Variants in EEF1AKMT1 observed in about 807,000 individuals in gnomAD.
EEF1AKMT1 encodes N-6 adenine-specific DNA methyltransferase 2 (putative).
In EEF1AKMT1, 18 loss-of-function variants were observed where a neutral mutation model predicts 21.0. The observed-to-expected ratio is 0.86, with a 90% CI of 0.59 to 1.27. The LOEUF (loss-of-function observed/expected upper bound fraction) is 1.27. EEF1AKMT1 is among the 50% of genes most tolerant of loss of function. EEF1AKMT1 has a pLI of 0.00. For missense variants in EEF1AKMT1, 246 were observed against 258.6 expected (o/e 0.95, Z 0.33); for synonymous variants, 109 against 94.8 (o/e 1.15, Z -0.87).
chr13:20,739,365 G>A lies in EEF1AKMT1; in HGVS notation c.145-1560C>T, dbSNP rs112905487. 2.6e-3 allele frequency among the ~76,000 whole-genome samples: 402 copies of A among 152,304 alleles called. 1 individual carries two copies. The highest frequency in any genetic ancestry group is 8.6e-3 in the African/African-American group (356 of 41,582). ...CCAAGAGGGTTGCCGCCGCTAAGCA[G>A]GGGCAGCCTGCTTTTATTCCCTTAT... is the stretch of plus-strand genomic sequence containing the variant. On this transcript the variant is annotated intron_variant, in intron 2 of 4. Coordinates refer to ENST00000382758, the MANE Select transcript of EEF1AKMT1 (RefSeq NM_001318939.2).
In EEF1AKMT1 at chr13:20,748,715, G is replaced by GTTTT. The variant is rs796299437; in HGVS notation, c.144+8736_144+8739dup. On this transcript the variant is annotated intron_variant, in intron 2 of 4. Coordinates refer to ENST00000382758, the MANE Select transcript of EEF1AKMT1 (RefSeq NM_001318939.2). ...TTCTTCACCCTCCTAATGTATAGTTGTTTTTTTTTGGTTTTTTTTTTTTTT... is the reference window on the plus strand; with the variant it reads ...TTCTTCACCCTCCTAATGTATAGTTGTTTTTTTTTTTTTGGTTTTTTTTTTTTTT... Among the ~76,000 whole-genome samples the GTTTT allele has an allele frequency of 5.7e-5, 6 of 105,848 alleles. No individual in the cohort carries two copies. The South Asian group carries it at 9.1e-4, about 16-fold the overall frequency. 69.4% of individuals were successfully genotyped at this position (105,848 alleles called of 152,430 possible).
intron 1 of EEF1AKMT1, among the ~76,000 whole-genome samples, chr13:20,766,392 G>A (rs1344931200): frequency 6.6e-6 from 1 of 151,468 alleles, no homozygotes; most frequent in Non-Finnish European, 1.5e-5. Context: ...CCAACCATTA[G>A]ACAGTATATA....
intron 2 of EEF1AKMT1, among the ~76,000 whole-genome samples, chr13:20,750,022 T>G (rs908017123): frequency 6.6e-6 from 1 of 152,208 alleles, no homozygotes; most frequent in Non-Finnish European, 1.5e-5. Flanking sequence ...TTTTCTGGAA[T>G]CTTATTTGTT....
At chr13:20,770,926 C>A (rs9552276) in intron 1 of EEF1AKMT1, among the ~76,000 whole-genome samples, 16,941 of 151,258 alleles carry the variant, frequency 0.11, 1,633 homozygotes, top group East Asian at 0.45. Context: ...GCTGCCCAGG[C>A]TGGAGTGCAG....
chr13:20,768,642 C>A (rs914977216), intron 1 of EEF1AKMT1, among the ~76,000 whole-genome samples: 1 of 152,062 alleles, frequency 6.6e-6, no homozygotes, highest in Non-Finnish European at 1.5e-5. Flanking sequence ...TGGCCCAAGA[C>A]AATTCTTCTT....
At chr13:20,749,755 T>A (rs2058930481) in intron 2 of EEF1AKMT1, among the ~76,000 whole-genome samples, 1 of 152,086 alleles carries the variant, frequency 6.6e-6, no homozygotes, top group Admixed American at 6.5e-5. Flanking sequence ...GTGAACAAAA[T>A]TTTCACTCAA....
At chr13:20,764,660 C>G (rs1365665928) in intron 1 of EEF1AKMT1, among the ~76,000 whole-genome samples, 1 of 151,998 alleles carries the variant, frequency 6.6e-6, no homozygotes, top group Non-Finnish European at 1.5e-5. Flanking sequence ...GTTTTTATTT[C>G]ATGCTTCATG....
In EEF1AKMT1 at chr13:20,756,457, C is replaced by A. The variant is rs543788141; in HGVS notation, c.144+998G>T. Among the ~76,000 whole-genome samples, 3 of 152,238 alleles carry A rather than the reference C, an allele frequency of 2.0e-5. No homozygotes were observed. The South Asian group carries it at 6.2e-4, about 32-fold the overall frequency. ...TTCAATACATGTTTAAGTTCAGTTCCCCAATTTCCGGCAATGATAATATTT... is the reference window on the plus strand; with the variant it reads ...TTCAATACATGTTTAAGTTCAGTTCACCAATTTCCGGCAATGATAATATTT... On this transcript the variant is annotated intron_variant, in intron 2 of 4. Coordinates refer to ENST00000382758, the MANE Select transcript of EEF1AKMT1 (RefSeq NM_001318939.2).
At chr13:20,755,610 A>G (rs2141430367) in intron 2 of EEF1AKMT1, among the ~76,000 whole-genome samples, 1 of 152,176 alleles carries the variant, frequency 6.6e-6, no homozygotes. Flanking sequence ...GTTTCCTGTC[A>G]CTTCCCTGTT....
intron 4 of EEF1AKMT1, among the ~76,000 whole-genome samples, chr13:20,731,524 C>T (rs145826594): frequency 1.3e-5 from 2 of 152,186 alleles, no homozygotes; most frequent in South Asian, 2.1e-4. Context: ...CCAAATTTCT[C>T]TTTGATAAAG....
Position 20,757,568 on chromosome 13 carries a change from G to C in EEF1AKMT1, c.31C>G (p.Gln11Glu). 1 of 1,614,012 alleles carries C rather than the reference G, an allele frequency of 6.2e-7. No individual in the cohort carries two copies. The highest frequency in any genetic ancestry group is 8.5e-7 in the Non-Finnish European group (1 of 1,179,912). ...GCTGCTAAGGCATGGGCAGAAAGCT[G>C]GGGTGTCTCATCATCTTCCAAATCA... MSDLEDDETP[Q>E]LSAHALAALQ... Residue 11 changes from glutamine to glutamate, a missense_variant, in exon 2 of 5, where the codon CAG (glutamine) becomes GAG (glutamate). Transcript: ENST00000382758.
intron 2 of EEF1AKMT1, among the ~76,000 whole-genome samples, chr13:20,743,048 A>G (rs891577042): frequency 2.0e-5 from 3 of 151,972 alleles, no homozygotes; most frequent in Non-Finnish European, 2.9e-5. Context: ...ATATTATCCT[A>G]TATTTTCTTT....
In EEF1AKMT1 at chr13:20,742,515, T is replaced by C. The variant is rs75484365; in HGVS notation, c.145-4710A>G. ...AAAATATGACCATTCTGTAATCACA[T>C]CTGAGTACAGATAAAACAAGAACAC... is the stretch of plus-strand genomic sequence containing the variant. On this transcript the variant is annotated intron_variant, in intron 2 of 4. Transcript: ENST00000382758. 1.3e-3 allele frequency among the ~76,000 whole-genome samples: 195 copies of C among 152,324 alleles called. 1 individual carries two copies. The East Asian group carries it at 0.027, about 21-fold the overall frequency.
In EEF1AKMT1 at chr13:20,751,486, C is replaced by T. The variant is rs534244915; in HGVS notation, c.144+5969G>A. 8.0e-4 allele frequency among the ~76,000 whole-genome samples: 122 copies of T among 152,268 alleles called. 1 individual carries two copies. Among genetic ancestry groups the T allele is most frequent in the African/African-American group, 2.9e-3 (120 of 41,548 alleles). On this transcript the variant is annotated intron_variant, in intron 2 of 4. Transcript: ENST00000382758. Reference sequence around the variant, plus strand: ...TGGCTATAGATATGTGGATTAATTTCTGGGTTCTCTATTCTGTTCCATTGG... The same window carrying T: ...TGGCTATAGATATGTGGATTAATTTTTGGGTTCTCTATTCTGTTCCATTGG...
intron 2 of EEF1AKMT1, among the ~76,000 whole-genome samples, chr13:20,750,989 G>T (rs1317625896): frequency 1.3e-5 from 2 of 152,124 alleles, no homozygotes; most frequent in Admixed American, 1.3e-4. Context: ...CTTCTTTTGA[G>T]AAATGTCTAT....
At chr13:20,738,229 T>A (rs933230944) in intron 2 of EEF1AKMT1, among the ~76,000 whole-genome samples, 6 of 152,238 alleles carry the variant, frequency 3.9e-5, no homozygotes, top group African/African-American at 1.4e-4. Context: ...CACCAGAGGA[T>A]GCAATCAGCA....
chr13:20,738,995 A>G (rs1371766351), intron 2 of EEF1AKMT1, among the ~76,000 whole-genome samples: 1 of 152,202 alleles, frequency 6.6e-6, no homozygotes, highest in Admixed American at 6.5e-5. Flanking sequence ...GACAGTTCTT[A>G]AAGATAGTGT....
At chr13:20,735,910 A>G (rs2058823566) in intron 3 of EEF1AKMT1, among the ~76,000 whole-genome samples, 1 of 152,202 alleles carries the variant, frequency 6.6e-6, no homozygotes, top group South Asian at 2.1e-4. Context: ...TGGTAAACTC[A>G]GTAGAAAGTT....
chr13:20,735,695 A>T (rs953854655), intron 3 of EEF1AKMT1, among the ~76,000 whole-genome samples: 1 of 152,246 alleles, frequency 6.6e-6, no homozygotes, highest in Non-Finnish European at 1.5e-5. Context: ...GTCCACAGAC[A>T]TTTAAGGAAC....
Sources: gnomAD v4.1 joint callset for allele counts (sites outside exome capture counted in the v4.1 genomes callset) on GRCh38, gnomAD v4.1.1 for gene constraint, MANE v1.5 for transcripts, NCBI Gene and HGNC (gene_info 2026-07-23, HGNC 2026-07-21) for gene names.